SLC35D4: variants seen among roughly 807,000 people sequenced by gnomAD.
SLC35D4 encodes the protein UDP-N-acetylglucosamine transporter SLC35D4.
At chr18:23,282,316 C>A in the SLC35D4 span, among the ~76,000 whole-genome samples, 1 of 152,200 alleles carries the variant, frequency 6.6e-6, no homozygotes, top group African/African-American at 2.4e-5. Context: ...CAGACTCCCC[C>A]CCAGTTGATC....
the SLC35D4 span, among the ~76,000 whole-genome samples, chr18:23,412,403 G>A: frequency 1.3e-5 from 2 of 152,304 alleles, no homozygotes; most frequent in East Asian, 3.8e-4. Context: ...TGTAAAGTCA[G>A]TATTTTCTTT....
chr18:23,359,183 A>C, the SLC35D4 span, among the ~76,000 whole-genome samples: 1 of 152,108 alleles, frequency 6.6e-6, no homozygotes, highest in Non-Finnish European at 1.5e-5. Flanking sequence ...TCAGGAGTTC[A>C]AGACCAGCCT....
chr18:23,299,876 C>T, the SLC35D4 span, among the ~76,000 whole-genome samples: 2 of 152,330 alleles, frequency 1.3e-5, no homozygotes, highest in African/African-American at 2.4e-5. Flanking sequence ...ATGTACTTTC[C>T]TCTTTCCTAC....
chr18:23,271,327 G>A, the SLC35D4 span, among the ~76,000 whole-genome samples: 1 of 152,102 alleles, frequency 6.6e-6, no homozygotes, highest in Non-Finnish European at 1.5e-5. Context: ...ACCTAGTCTT[G>A]GGTATTTTTT....
At chr18:23,401,951 G>A in the SLC35D4 span, among the ~76,000 whole-genome samples, 1 of 152,220 alleles carries the variant, frequency 6.6e-6, no homozygotes, top group Non-Finnish European at 1.5e-5. Context: ...AGACTTGTGG[G>A]AAGTGTTAGA....
chr18:23,338,961 C>T, the SLC35D4 span, among the ~76,000 whole-genome samples: 1 of 152,194 alleles, frequency 6.6e-6, no homozygotes, highest in African/African-American at 2.4e-5. Flanking sequence ...TAGCTCATTG[C>T]AGCCTCAAAC....
At chr18:23,275,613 T>TGCC in the SLC35D4 span, among the ~76,000 whole-genome samples, 2 of 127,990 alleles carry the variant, frequency 1.6e-5, no homozygotes, top group African/African-American at 5.6e-5. Flanking sequence ...TGTGCTGTGC[T>TGCC]GTGCTGTGCT....
At chr18:23,436,033 CTTTTTTTTTTT>C in the SLC35D4 span, among the ~76,000 whole-genome samples, 1 of 96,240 alleles carries the variant, frequency 1.0e-5, no homozygotes, top group Non-Finnish European at 2.0e-5. Context: ...AACACTTTCT[CTTTTTTTTTTT>C]TTTTTTTTTG....
the SLC35D4 span, among the ~76,000 whole-genome samples, chr18:23,245,080 C>G: frequency 1.3e-5 from 2 of 152,334 alleles, 1 homozygote; most frequent in Middle Eastern, 6.8e-3. Context: ...CCATCCCCTC[C>G]CGTTATACCC....
At chr18:23,303,858 C>T in the SLC35D4 span, among the ~76,000 whole-genome samples, 42 of 151,002 alleles carry the variant, frequency 2.8e-4, no homozygotes, top group East Asian at 2.9e-3. Context: ...GCTGAGATCG[C>T]GCCACTGCAC....
At chr18:23,283,210 G>A in the SLC35D4 span, among the ~76,000 whole-genome samples, 26 of 152,088 alleles carry the variant, frequency 1.7e-4, no homozygotes, top group Non-Finnish European at 3.5e-4. Flanking sequence ...AGGAAGGCCG[G>A]GCGTAGTGGC....
chr18:23,288,463 C>T, the SLC35D4 span, among the ~76,000 whole-genome samples: 5 of 152,296 alleles, frequency 3.3e-5, no homozygotes, highest in South Asian at 8.3e-4. Flanking sequence ...GGATTTGCCC[C>T]TGCCCAGGAC....
the SLC35D4 span, among the ~76,000 whole-genome samples, chr18:23,265,226 G>C: frequency 5.3e-5 from 8 of 152,322 alleles, no homozygotes; most frequent in East Asian, 1.9e-4. Context: ...AGAAATGAGA[G>C]AGCAGGAGGA....
the SLC35D4 span, among the ~76,000 whole-genome samples, chr18:23,308,710 C>T: frequency 6.6e-6 from 1 of 152,200 alleles, no homozygotes; most frequent in East Asian, 1.9e-4. Flanking sequence ...TCCTTCTGGT[C>T]TCTGCTCAGA....
chr18:23,356,731 CA>C, the SLC35D4 span: 18 of 1,482,586 alleles, frequency 1.2e-5, no homozygotes, highest in South Asian at 1.9e-4. This position sits in a 1 kb window ranked among gnomAD's most constrained non-coding sequence, Gnocchi z 4.1. Flanking sequence ...CCCATTGCCC[CA>C]GGAAATGCAA....
the SLC35D4 span, among the ~76,000 whole-genome samples, chr18:23,384,365 A>C: frequency 6.6e-6 from 1 of 152,110 alleles, no homozygotes; most frequent in East Asian, 1.9e-4. Context: ...GAAAAAAAAA[A>C]CTCCAAAAAG....
the SLC35D4 span, among the ~76,000 whole-genome samples, chr18:23,273,327 C>A: frequency 1.3e-5 from 2 of 152,030 alleles, no homozygotes; most frequent in African/African-American, 4.8e-5. Context: ...GAAGGAGAAG[C>A]GTAAATGTGG....
chr18:23,411,226 GAGGGAAGGGAAGGGGA>G, the SLC35D4 span, among the ~76,000 whole-genome samples: 5 of 142,900 alleles, frequency 3.5e-5, no homozygotes, highest in Admixed American at 2.9e-4. Flanking sequence ...GAGGGGAGGG[GAGGGAAGGGAAGGGGA>G]AGGGAAGGGA....
At chr18:23,299,842 C>T in the SLC35D4 span, among the ~76,000 whole-genome samples, 1 of 152,166 alleles carries the variant, frequency 6.6e-6, no homozygotes, top group African/African-American at 2.4e-5. Flanking sequence ...GAGACTGATG[C>T]CTAGTACCTT....
Sources: gnomAD v4.1 joint callset for allele counts (sites outside exome capture counted in the v4.1 genomes callset) on GRCh38, gnomAD v4.1.1 for gene constraint, Gnocchi (gnomAD v3.1) non-coding constraint, MANE v1.5 for transcripts, NCBI Gene and HGNC (gene_info 2026-07-23, HGNC 2026-07-21) for gene names.